Variants in DVL1 observed in about 807,000 individuals in gnomAD.
DVL1 encodes the protein dishevelled segment polarity protein 1, also known as segment polarity protein dishevelled homolog DVL-1.
In DVL1, 49 loss-of-function variants were observed where a neutral mutation model predicts 65.0. That is an observed-to-expected ratio of 0.75 (90% CI 0.60 to 0.96). The LOEUF is 0.96. Among genes scored for constraint, DVL1 ranks in the 40% least tolerant of loss-of-function variants. DVL1 has a pLI of 0.00. For missense variants in DVL1, 1,197 were observed against 1,045.4 expected, an observed-to-expected ratio of 1.15 and a Z score of -2.00; for synonymous variants, 608 against 433.9, an observed-to-expected ratio of 1.40 and a Z score of -4.99.
rs971276864 is a variant in DVL1, at chr1:1,347,999, C to T, written c.170+897G>A. ...AGAATCCAAGAAACAACCTTAATGTCACAATCCCAAGAAGCGGCCACACAC... is the reference window on the plus strand; with the variant it reads ...AGAATCCAAGAAACAACCTTAATGTTACAATCCCAAGAAGCGGCCACACAC... On this transcript the variant is annotated intron_variant, in intron 1 of 14. Coordinates refer to ENST00000378888, the MANE Select transcript of DVL1 (RefSeq NM_001330311.2). Among the ~76,000 whole-genome samples the T allele has an allele frequency of 3.3e-5, 5 of 152,204 alleles. No homozygotes were observed. The East Asian group carries it at 9.6e-4, about 29-fold the overall frequency.
Position 1,335,356 on chromosome 1 carries a change from C to T in DVL1, c.*786G>A, listed in dbSNP as rs899608783. On this transcript the variant is annotated 3_prime_UTR_variant, in exon 15 of 15. Coordinates refer to ENST00000378888, the MANE Select transcript of DVL1 (RefSeq NM_001330311.2). ...AGCAGCTCTATGTTAACCATCTAAACGCTGGGACTTTGATACAGTATCTAC... is the reference window on the plus strand; with the variant it reads ...AGCAGCTCTATGTTAACCATCTAAATGCTGGGACTTTGATACAGTATCTAC... 6.6e-6 allele frequency: 1 copy of T among 152,330 alleles called. No homozygotes were observed. Among genetic ancestry groups the T allele is most frequent in the Non-Finnish European group, 1.5e-5 (1 of 68,104 alleles). 9.4% of individuals were successfully genotyped at this position (152,330 alleles called of 1,614,324 possible). A position where few individuals can be genotyped will look rare whatever the true frequency, so the allele number is the denominator to read the frequency against.
rs779009859 is a variant in DVL1 at position 1,336,222 on chromosome 1, G to C, written c.2008C>G (p.Pro670Ala). The change falls in exon 15 of 15, where the codon CCC becomes GCC. Residue 670 changes from proline (P) to alanine (A), a missense_variant. Physicochemically the swap from Pro to Ala is conservative, Grantham distance 27 (BLOSUM62 -1). Coordinates refer to ENST00000378888, the MANE Select transcript of DVL1 (RefSeq NM_001330311.2). Reference protein sequence around the residue: ...GPPVRELAAVPPELTGSRQSF... With the variant: ...GPPVRELAAVAPELTGSRQSF... Reference sequence around the variant, plus strand: ...TGGCGGCTGCCTGTCAATTCCGGGGGGACGGCAGCCAGCTCCCGGACAGGG... The same window carrying C: ...TGGCGGCTGCCTGTCAATTCCGGGGCGACGGCAGCCAGCTCCCGGACAGGG... 2 of 1,559,130 alleles carry C rather than the reference G, an allele frequency of 1.3e-6. No homozygotes were observed. Among genetic ancestry groups the C allele is most frequent in the South Asian group, 2.3e-5 (2 of 86,220 alleles).
Position 1,340,050 on chromosome 1 carries a change from G to A in DVL1, c.897C>T (p.Asp299=), listed in dbSNP as rs918986894. ...CCCACAGACACACCTGCAGCAACATGTCGCCGGGCTCGATGCGGCCGTCAG... is the reference window on the plus strand; with the variant it reads ...CCCACAGACACACCTGCAGCAACATATCGCCGGGCTCGATGCGGCCGTCAG... ...VAADGRIEPG[D]MLLQVNDVNF... is the part of the protein sequence containing the mutation. The change falls in exon 8 of 15, where the codon GAC becomes GAT. Residue 299 remains aspartate, a synonymous_variant. Transcript: ENST00000378888. The A allele has an allele frequency of 1.9e-6, 3 of 1,612,458 alleles. No homozygotes were observed. The highest frequency in any genetic ancestry group is 2.2e-5 in the East Asian group (1 of 44,866).
Position 1,349,113 on chromosome 1 carries a change from C to T in DVL1, c.-48G>A. 9.0e-7 allele frequency: 1 copy of T among 1,108,770 alleles called. No homozygotes were observed. The highest frequency in any genetic ancestry group is 1.1e-6 in the Non-Finnish European group (1 of 899,514). The allele number at this position is 1,108,770 out of a possible 1,614,324, so 68.7% of individuals were successfully genotyped here. On this transcript the variant is annotated 5_prime_UTR_variant, in exon 1 of 15. Transcript: ENST00000378888. This position sits in a 1 kb window ranked among gnomAD's most constrained non-coding sequence, Gnocchi z 4.1. ...CGCGCGCTCAGGGCCCGGCCCGGGG[C>T]TCGGACGCGGGGCGCTACCCGCCCG...
At position 1,340,227 on chromosome 1, in the gene DVL1, C is replaced by A. The variant is rs893798598; in HGVS notation, c.769+20G>T. 1 of 1,613,740 alleles carries A rather than the reference C, an allele frequency of 6.2e-7. No individual in the cohort carries two copies. The highest frequency in any genetic ancestry group is 1.3e-5 in the African/African-American group (1 of 74,936). On this transcript the variant is annotated intron_variant, in intron 7 of 14. Coordinates refer to ENST00000378888, the MANE Select transcript of DVL1 (RefSeq NM_001330311.2). ...GCCAAGCCCCTGCCCCTGCCCCCAA[C>A]CCTCGCCCCGAGGCCTCACCCATGT... is the stretch of plus-strand genomic sequence containing the variant.
chr1:1,342,881 A>G (rs2100753673), intron 1 of DVL1, 123 bp from the exon 2 acceptor site: 6 of 898,058 alleles, frequency 6.7e-6, no homozygotes, highest in South Asian at 6.6e-5. Flanking sequence ...CACCCCTGCT[A>G]GCGCATTCTC....
At chr1:1,341,975 C>G in intron 4 of DVL1, 78 bp downstream of exon 4, 1 of 1,465,502 alleles carries the variant, frequency 6.8e-7, no homozygotes, top group Non-Finnish European at 9.2e-7. Flanking sequence ...GGGACAGGAA[C>G]TGCTGTAGTA....
At chr1:1,341,939 T>A in intron 4 of DVL1, 114 bp downstream of exon 4, 1 of 1,455,716 alleles carries the variant, frequency 6.9e-7, no homozygotes, top group Non-Finnish European at 9.2e-7. Context: ...GGCCTGTGCC[T>A]CCACCCAAGC....
Position 1,335,854 on chromosome 1 carries a change from C to A in DVL1, c.*288G>T, listed in dbSNP as rs372736397. 5.9e-6 allele frequency: 3 copies of A among 508,982 alleles called. No individual in the cohort carries two copies. Among genetic ancestry groups the A allele is most frequent in the Non-Finnish European group, 7.0e-6 (2 of 285,842 alleles). 31.5% of individuals were successfully genotyped at this position (508,982 alleles called of 1,614,324 possible). ...AGGAGGTGGGGGTCAGCCGAGAGCC[C>A]GAGGGGGTCTTCCTCATCCCAGGAG... On this transcript the variant is annotated 3_prime_UTR_variant, in exon 15 of 15. Coordinates refer to ENST00000378888, the MANE Select transcript of DVL1 (RefSeq NM_001330311.2).
At chr1:1,341,357 GCA>G (rs1164471287) in intron 5 of DVL1, among the ~76,000 whole-genome samples, 3 of 149,298 alleles carry the variant, frequency 2.0e-5, no homozygotes, top group Admixed American at 1.3e-4. Flanking sequence ...ACAGGTACAT[GCA>G]CAGACACATC....
At position 1,336,367 on chromosome 1, in the gene DVL1, G is replaced by A. The variant is rs368143616; in HGVS notation, c.1863C>T (p.Ala621=). Residue 621 remains alanine (A), a synonymous_variant, in exon 15 of 15, where the codon GCC becomes GCT. Coordinates refer to ENST00000378888, the MANE Select transcript of DVL1 (RefSeq NM_001330311.2). ...GGCTGCTGCCACGGCTGAGCTGGCC[G>A]GCCGGACGCTCTCGCCAGCTGCTCC... ...GVGSSWRERP[A]GQLSRGSSPR... 75 of 1,597,168 alleles carry A rather than the reference G, an allele frequency of 4.7e-5. No individual in the cohort carries two copies. The South Asian group carries it at 5.5e-4, about 12-fold the overall frequency.
chr1:1,336,639 A>G, intron 14 of DVL1, 124 bp from the exon 15 acceptor site: 4 of 1,306,962 alleles, frequency 3.1e-6, no homozygotes, highest in Non-Finnish European at 4.0e-6. Flanking sequence ...TGGGTGGGGC[A>G]GCCATGCAGG....
intron 1 of DVL1, among the ~76,000 whole-genome samples, chr1:1,343,416 C>G (rs943463540): frequency 6.6e-6 from 1 of 152,232 alleles, no homozygotes; most frequent in Non-Finnish European, 1.5e-5. Flanking sequence ...TCCCAGCCAG[C>G]TCCAGACCAG....
In DVL1 at chr1:1,342,131, C is replaced by T. The variant is rs1363396787; in HGVS notation, c.388G>A (p.Gly130Arg). The change falls in exon 4 of 15, where the codon GGG becomes AGG. Residue 130 changes from glycine (G) to arginine (R), a missense_variant. Physicochemically the swap from Gly to Arg is moderately radical, Grantham distance 125. Coordinates refer to ENST00000378888, the MANE Select transcript of DVL1 (RefSeq NM_001330311.2). ...FHPNVASSRDGMDNETGTESM... is the reference protein window; with the variant it reads ...FHPNVASSRDRMDNETGTESM... ...TCCGTGCCTGTCTCGTTGTCCATCCCGTCACGGCTGCTGGCCACATTTGGG... is the reference window on the plus strand; with the variant it reads ...TCCGTGCCTGTCTCGTTGTCCATCCTGTCACGGCTGCTGGCCACATTTGGG... 8.2e-6 allele frequency: 13 copies of T among 1,581,806 alleles called. No individual in the cohort carries two copies. The highest frequency in any genetic ancestry group is 1.1e-5 in the Non-Finnish European group (13 of 1,165,202).
At chr1:1,345,625 C>T (rs1643904223) in intron 1 of DVL1, among the ~76,000 whole-genome samples, 2 of 152,160 alleles carry the variant, frequency 1.3e-5, no homozygotes, top group South Asian at 2.1e-4. Flanking sequence ...CCCACAGACC[C>T]GCCCCGGGGA....
intron 14 of DVL1, among the ~76,000 whole-genome samples, chr1:1,337,495 C>T (rs1365292688): frequency 6.6e-6 from 1 of 152,196 alleles, no homozygotes; most frequent in Non-Finnish European, 1.5e-5. Flanking sequence ...TGTCCTGGGG[C>T]CTAGAAAGTG....
At chr1:1,343,612 T>C (rs533195036) in intron 1 of DVL1, among the ~76,000 whole-genome samples, 1 of 152,328 alleles carries the variant, frequency 6.6e-6, no homozygotes, top group African/African-American at 2.4e-5. Context: ...GCCCTGTGCC[T>C]GCCTGCCCAG....
intron 1 of DVL1, among the ~76,000 whole-genome samples, chr1:1,346,389 C>T (rs995463741): frequency 2.6e-5 from 4 of 152,194 alleles, no homozygotes; most frequent in Non-Finnish European, 4.4e-5. Flanking sequence ...GCCCAGCATC[C>T]GCCACGCACC....
At chr1:1,347,262 G>A (rs1643929364) in intron 1 of DVL1, among the ~76,000 whole-genome samples, 1 of 152,094 alleles carries the variant, frequency 6.6e-6, no homozygotes, top group Admixed American at 6.5e-5. Context: ...AGCCTCCAAA[G>A]CTGTACACTG....
Sources: allele counts gnomAD v4.1 joint callset (sites outside exome capture counted in the v4.1 genomes callset), GRCh38; gene constraint gnomAD v4.1.1; non-coding constraint Gnocchi (gnomAD v3.1); transcripts MANE v1.5; gene names NCBI Gene and HGNC (gene_info 2026-07-23, HGNC 2026-07-21).